Variants in ATF7IP2 observed in about 807,000 individuals in gnomAD.
ATF7IP2 encodes the protein activating transcription factor 7 interacting protein 2.
In ATF7IP2, 42 loss-of-function variants were observed where a neutral mutation model predicts 64.2. The ratio of observed to expected loss-of-function variants is 0.65; its 90% CI spans 0.51 to 0.85. The LOEUF is 0.85. Ranked by LOEUF, ATF7IP2 falls within the 40% of genes least tolerant of loss-of-function variation. ATF7IP2 has a pLI of 0.00. For synonymous variants in ATF7IP2, 308 were observed against 272.8 expected, an observed-to-expected ratio of 1.13 and a Z score of -1.27; for missense variants, 933 against 784.2, an observed-to-expected ratio of 1.19 and a Z score of -2.27.
chr16:10,473,607 C>A, intron 11 of ATF7IP2, 73 bp downstream of exon 11: 1 of 1,092,320 alleles, frequency 9.2e-7, no homozygotes. Flanking sequence ...GTGTTTGCTA[C>A]ATGTTGGATG....
rs180808914 is a variant in ATF7IP2 at position 10,409,583 on chromosome 16, C to T, written c.-241-4991C>T. 8.5e-5 allele frequency among the ~76,000 whole-genome samples: 13 copies of T among 152,080 alleles called. No homozygotes were observed. In the East Asian group the frequency reaches 2.1e-3, roughly 25 times the overall value. On this transcript the variant is annotated intron_variant, in intron 1 of 13. Coordinates refer to ENST00000562102, the MANE Select transcript of ATF7IP2 (RefSeq NM_001393719.1). ...CTGAGACTACAGGCCCCTGCAACCA[C>T]GCCCAGCTAATTTTTTGAATTTTAA...
At chr16:10,407,294 G>T (rs567873427) in intron 1 of ATF7IP2, among the ~76,000 whole-genome samples, 2 of 152,246 alleles carry the variant, frequency 1.3e-5, no homozygotes, top group South Asian at 4.1e-4. Context: ...ATCTACAAAA[G>T]AACTACAAAC....
chr16:10,461,159 G>C (rs192804207), intron 9 of ATF7IP2, among the ~76,000 whole-genome samples: 2 of 152,036 alleles, frequency 1.3e-5, no homozygotes, highest in Non-Finnish European at 2.9e-5. Context: ...TTTCATATCA[G>C]GTAAGGAAAA....
At chr16:10,444,402 G>C (rs967945879) in intron 8 of ATF7IP2, among the ~76,000 whole-genome samples, 1 of 152,098 alleles carries the variant, frequency 6.6e-6, no homozygotes, top group Non-Finnish European at 1.5e-5. Flanking sequence ...TCCCAGGTTG[G>C]TTCGAGTTTT....
chr16:10,428,262 T>C (rs1035651682), intron 3 of ATF7IP2, among the ~76,000 whole-genome samples: 1 of 152,244 alleles, frequency 6.6e-6, no homozygotes, highest in Non-Finnish European at 1.5e-5. Context: ...TATTATACTT[T>C]GTAATTAACA....
intron 9 of ATF7IP2, among the ~76,000 whole-genome samples, chr16:10,461,711 T>C (rs1567166439): frequency 6.6e-6 from 1 of 152,144 alleles, no homozygotes; most frequent in South Asian, 2.1e-4. Context: ...GTACCACATA[T>C]GCCATTTATG....
At chr16:10,455,282 A>C (rs1181776673) in intron 8 of ATF7IP2, among the ~76,000 whole-genome samples, 1 of 152,182 alleles carries the variant, frequency 6.6e-6, no homozygotes, top group Non-Finnish European at 1.5e-5. Context: ...GGGTTCTTAC[A>C]AAAAAAGTGG....
At chr16:10,416,796 C>CA (rs995162794) in intron 2 of ATF7IP2, among the ~76,000 whole-genome samples, 18 of 151,496 alleles carry the variant, frequency 1.2e-4, no homozygotes, top group Admixed American at 2.6e-4. Flanking sequence ...GACTCTGTCT[C>CA]AAAAAAAAGT....
At chr16:10,442,077 C>G (rs945098526) in intron 8 of ATF7IP2, among the ~76,000 whole-genome samples, 4 of 152,200 alleles carry the variant, frequency 2.6e-5, no homozygotes, top group African/African-American at 4.8e-5. Flanking sequence ...TCCCAATTGA[C>G]TAGATTTAGC....
intron 1 of ATF7IP2, among the ~76,000 whole-genome samples, chr16:10,410,769 T>G (rs2047743360): frequency 6.6e-6 from 1 of 152,200 alleles, no homozygotes; most frequent in Non-Finnish European, 1.5e-5. Flanking sequence ...AGTATGTTAT[T>G]GGTCTTTCAG....
rs140592099 is a variant in ATF7IP2 at position 10,407,735 on chromosome 16, C to T, written c.-241-6839C>T. Among the ~76,000 whole-genome samples the T allele has an allele frequency of 4.8e-3, 727 of 152,202 alleles. 4 individuals carry two copies. Among genetic ancestry groups the T allele is most frequent in the African/African-American group, 0.017 (696 of 41,532 alleles). On this transcript the variant is annotated intron_variant, in intron 1 of 13. Transcript: ENST00000562102. ...GTGATTTGTGAGATTTTGGTGCACCCATCACCCGAGCACTATACACTGAAC... is the reference window on the plus strand; with the variant it reads ...GTGATTTGTGAGATTTTGGTGCACCTATCACCCGAGCACTATACACTGAAC...
At chr16:10,424,233 G>C (rs1482405855) in intron 3 of ATF7IP2, among the ~76,000 whole-genome samples, 1 of 152,140 alleles carries the variant, frequency 6.6e-6, no homozygotes, top group African/African-American at 2.4e-5. Flanking sequence ...AACCTTCAGC[G>C]TGGGCATCAT....
intron 4 of ATF7IP2, 55 bp downstream of exon 4, chr16:10,429,071 A>G (rs2048158765): frequency 1.3e-5 from 2 of 152,148 alleles, no homozygotes. Flanking sequence ...GAATGTTTTT[A>G]TTTGTAGGAC....
intron 12 of ATF7IP2, among the ~76,000 whole-genome samples, chr16:10,477,425 A>C (rs1449266127): frequency 6.6e-6 from 1 of 152,214 alleles, no homozygotes; most frequent in Non-Finnish European, 1.5e-5. Context: ...AAAATTCAAC[A>C]ACCCTTCATG....
At chr16:10,394,432 A>T (rs1053017085) in intron 1 of ATF7IP2, among the ~76,000 whole-genome samples, 1 of 152,238 alleles carries the variant, frequency 6.6e-6, no homozygotes, top group African/African-American at 2.4e-5. Flanking sequence ...GTTCAGTAAT[A>T]ATTGGAGAAT....
chr16:10,415,365 C>G (rs1165130688), intron 2 of ATF7IP2, among the ~76,000 whole-genome samples: 1 of 152,136 alleles, frequency 6.6e-6, no homozygotes, highest in Non-Finnish European at 1.5e-5. Flanking sequence ...ATGTCAAGAA[C>G]AAACATTTGC....
chr16:10,457,564 A>G (rs371971593), intron 9 of ATF7IP2, 35 bp downstream of exon 9: 1 of 1,446,160 alleles, frequency 6.9e-7, no homozygotes, highest in Non-Finnish European at 9.3e-7. Context: ...AAATTTATCT[A>G]AATCTATAAT....
intron 8 of ATF7IP2, 45 bp downstream of exon 8, chr16:10,440,507 A>G (rs1199376613): frequency 2.7e-6 from 3 of 1,101,440 alleles, no homozygotes; most frequent in Admixed American, 2.6e-5. Flanking sequence ...TTTGACTCAT[A>G]TAAGTGGTTT....
chr16:10,457,303 C>A, intron 8 of ATF7IP2, 69 bp from the exon 9 acceptor site: 2 of 1,373,052 alleles, frequency 1.5e-6, no homozygotes, highest in South Asian at 2.8e-5. Context: ...TTTGAAAATG[C>A]TAATTTTGTT....
Sources: allele counts gnomAD v4.1 joint callset (sites outside exome capture counted in the v4.1 genomes callset), GRCh38; gene constraint gnomAD v4.1.1; transcripts MANE v1.5; gene names NCBI Gene and HGNC (gene_info 2026-07-23, HGNC 2026-07-21).